Variants in ARHGAP32 observed in about 807,000 individuals in gnomAD.
ARHGAP32 encodes the protein Rho GTPase activating protein 32.
In ARHGAP32, 51 loss-of-function variants were observed where a neutral mutation model predicts 186.5. That is an observed-to-expected ratio of 0.27 (90% CI 0.22 to 0.35). The LOEUF (loss-of-function observed/expected upper bound fraction) is 0.35. ARHGAP32 is among the 10% of genes least tolerant of loss of function. ARHGAP32 has a pLI of 1.00. For missense variants in ARHGAP32, 2,186 were observed against 2,623.5 expected (o/e 0.83, Z 3.64); for synonymous variants, 950 against 964.3 (o/e 0.99, Z 0.27).
intron 1 of ARHGAP32, among the ~76,000 whole-genome samples, chr11:129,218,798 T>A (rs968758364): frequency 1.3e-5 from 2 of 152,056 alleles, no homozygotes. Context: ...AAGTAAAACC[T>A]TATAGTAACA....
At chr11:129,087,617 G>A (rs756284876) in intron 6 of ARHGAP32, among the ~76,000 whole-genome samples, 4 of 152,160 alleles carry the variant, frequency 2.6e-5, no homozygotes, top group South Asian at 2.1e-4. Flanking sequence ...AGAGGGACAC[G>A]GAGGATTTTT....
At chr11:129,131,483 GAT>G (rs1942807965) in intron 2 of ARHGAP32, among the ~76,000 whole-genome samples, 1 of 152,056 alleles carries the variant, frequency 6.6e-6, no homozygotes, top group East Asian at 1.9e-4. Context: ...GTTAACCACA[GAT>G]ATCAAAACCA....
intron 2 of ARHGAP32, among the ~76,000 whole-genome samples, chr11:129,138,373 A>G (rs957787384): frequency 2.0e-5 from 3 of 151,968 alleles, no homozygotes; most frequent in Non-Finnish European, 4.4e-5. Flanking sequence ...TTGTATCCCT[A>G]TAATCTGAAC....
intron 11 of ARHGAP32, among the ~76,000 whole-genome samples, chr11:129,035,648 G>A (rs1016526026): frequency 2.6e-5 from 4 of 152,098 alleles, no homozygotes; most frequent in Non-Finnish European, 4.4e-5. Flanking sequence ...AGGAGTTCGA[G>A]ACCAGGTGGT....
intron 1 of ARHGAP32, among the ~76,000 whole-genome samples, chr11:129,221,867 T>C (rs1944717079): frequency 6.6e-6 from 1 of 152,052 alleles, no homozygotes; most frequent in Non-Finnish European, 1.5e-5. Flanking sequence ...AACCCTCTTC[T>C]TTCTTTCTGC....
At chr11:129,131,809 A>T (rs1180326766) in intron 2 of ARHGAP32, among the ~76,000 whole-genome samples, 1 of 152,182 alleles carries the variant, frequency 6.6e-6, no homozygotes, top group Non-Finnish European at 1.5e-5. Context: ...GAAACAATAA[A>T]GGAAGACCCT....
intron 11 of ARHGAP32, among the ~76,000 whole-genome samples, chr11:129,021,923 T>C (rs1359507360): frequency 6.6e-6 from 1 of 152,024 alleles, no homozygotes; most frequent in Non-Finnish European, 1.5e-5. Context: ...GAAGTAGATA[T>C]AAATTCCTGA....
intron 1 of ARHGAP32, among the ~76,000 whole-genome samples, chr11:129,244,841 T>C (rs1286653815): frequency 4.0e-5 from 6 of 151,650 alleles, no homozygotes; most frequent in Admixed American, 3.3e-4. Context: ...AAAAAACACA[T>C]GAAAAAATGC....
Position 128,970,614 on chromosome 11 carries a change from C to T in ARHGAP32, c.4599G>A (p.Val1533=), listed in dbSNP as rs1431162699. 3 of 1,614,052 alleles carry T rather than the reference C, an allele frequency of 1.9e-6. No individual in the cohort carries two copies. Among genetic ancestry groups the T allele is most frequent in the Non-Finnish European group, 2.5e-6 (3 of 1,180,040 alleles). The change falls in exon 23 of 23, where the codon GTG becomes GTA. Residue 1533 remains valine (V), a synonymous_variant. Transcript: ENST00000682385. The surrounding 1 kb of genome is among the most constrained non-coding windows in gnomAD (Gnocchi z 5.8). ...CTGGTGGCTCTGACCTGGCACCATA[C>T]ACTTGGTGCTGCTCCAATTTATTGT... The part of the protein sequence containing the change: ...PHHNKLEQHQ[V]YGARSEPPAS...
chr11:128,998,251 T>C (rs969296683), intron 12 of ARHGAP32, 68 bp downstream of exon 12: 11 of 1,291,394 alleles, frequency 8.5e-6, no homozygotes, highest in Middle Eastern at 4.0e-4. Context: ...TACTCCATAA[T>C]TGGTTATAGC....
rs901371473 is a variant in ARHGAP32, at chr11:129,241,377, C to T, written c.-5+37769G>A. Among the ~76,000 whole-genome samples the T allele has an allele frequency of 2.0e-5, 3 of 152,138 alleles. No individual in the cohort carries two copies. In the South Asian group the frequency reaches 6.2e-4, roughly 31 times the overall value. On this transcript the variant is annotated intron_variant, in intron 1 of 6. Transcript: ENST00000525234. ...CAGACAAGTAGTCCAGGTGCAAGAG[C>T]TCATGCCTATAATCCAGTGCTTTGG...
At chr11:129,076,053 T>C (rs1010494582) in intron 6 of ARHGAP32, among the ~76,000 whole-genome samples, 5 of 152,186 alleles carry the variant, frequency 3.3e-5, no homozygotes, top group Admixed American at 3.3e-4. Context: ...TCATCCTCAC[T>C]GCTCATTATA....
chr11:129,206,855 C>G (rs1295716407), intron 1 of ARHGAP32, among the ~76,000 whole-genome samples: 1 of 151,878 alleles, frequency 6.6e-6, no homozygotes, highest in African/African-American at 2.4e-5. Flanking sequence ...GCTGCACCCA[C>G]CAACCCATCA....
In ARHGAP32 at chr11:128,969,546, A is replaced by T. The variant is rs1485431698; in HGVS notation, c.5667T>A (p.Pro1889=). 2 of 1,614,136 alleles carry T rather than the reference A, an allele frequency of 1.2e-6. No homozygotes were observed. Among genetic ancestry groups the T allele is most frequent in the Non-Finnish European group, 1.7e-6 (2 of 1,180,028 alleles). The change falls in exon 23 of 23, where the codon CCT becomes CCA. Residue 1889 remains proline, a synonymous_variant. Coordinates refer to ENST00000682385, the MANE Select transcript of ARHGAP32 (RefSeq NM_001378024.1). This position sits in a 1 kb window ranked among gnomAD's most constrained non-coding sequence, Gnocchi z 4.8. ...TTGCTTCTTGGTGTGCCCTGTGCTC[A>T]GGAAGACTGCAGCCCATGTCAGGAA... The part of the protein sequence containing the change: ...RKLPDMGCSL[P]EHRAHQEASH...
intron 1 of ARHGAP32, among the ~76,000 whole-genome samples, chr11:129,269,257 T>C (rs1419510410): frequency 6.6e-6 from 1 of 151,618 alleles, no homozygotes; most frequent in Non-Finnish European, 1.5e-5. Context: ...GGTGACAAAA[T>C]GAGGCCCTCT....
intron 2 of ARHGAP32, among the ~76,000 whole-genome samples, chr11:129,162,467 T>C (rs1243594505): frequency 2.0e-5 from 3 of 152,154 alleles, no homozygotes; most frequent in Non-Finnish European, 4.4e-5. Flanking sequence ...GAGGAGTCAA[T>C]GTTGAGTGTG....
In ARHGAP32 at chr11:129,192,258, T is replaced by C. The variant is rs1249741499; in HGVS notation, c.-60A>G. 4 of 1,168,438 alleles carry C rather than the reference T, an allele frequency of 3.4e-6. No homozygotes were observed. The Admixed American group carries it at 5.1e-5, about 15-fold the overall frequency. 72.4% of individuals were successfully genotyped at this position (1,168,438 alleles called of 1,614,324 possible). A position where few individuals can be genotyped will look rare whatever the true frequency, so the allele number is the denominator to read the frequency against. On this transcript the variant is annotated 5_prime_UTR_variant, in exon 1 of 23. The change abolishes an upstream ATG in the 5' untranslated region. Coordinates refer to ENST00000682385, the MANE Select transcript of ARHGAP32 (RefSeq NM_001378024.1). Reference sequence around the variant, plus strand: ...AGGCATGGAATAAAAAGCACCAACATTCAGGTTGTTCAGCTCTACTCATGT... The same window carrying C: ...AGGCATGGAATAAAAAGCACCAACACTCAGGTTGTTCAGCTCTACTCATGT...
At position 129,062,276 on chromosome 11, in the gene ARHGAP32, C is replaced by T. The variant is rs769531832; in HGVS notation, c.963+4G>A. On this transcript the variant is annotated splice_donor_region_variant and intron_variant, in intron 10 of 22. Coordinates refer to ENST00000682385, the MANE Select transcript of ARHGAP32 (RefSeq NM_001378024.1). ...TTTCCCACACCTAATTTGCTGCTGC[C>T]TACCTGGAATCCGTGCTTGCCTCTC... 6.8e-6 allele frequency: 11 copies of T among 1,613,008 alleles called. 1 individual carries two copies. The Admixed American group carries it at 1.8e-4, about 27-fold the overall frequency.
chr11:129,086,047 A>G (rs1215152023), intron 6 of ARHGAP32, among the ~76,000 whole-genome samples: 2 of 151,966 alleles, frequency 1.3e-5, no homozygotes, highest in Non-Finnish European at 2.9e-5. Context: ...AAGAAGCCAT[A>G]CTAATCAAGA....
Sources: gnomAD v4.1 joint callset for allele counts (sites outside exome capture counted in the v4.1 genomes callset) on GRCh38, gnomAD v4.1.1 for gene constraint, Gnocchi (gnomAD v3.1) non-coding constraint, MANE v1.5 for transcripts, NCBI Gene and HGNC (gene_info 2026-07-23, HGNC 2026-07-21) for gene names.